The following BAZ2B variants were observed in gnomAD, a reference collection of about 807,000 sequenced individuals.
BAZ2B encodes bromodomain adjacent to zinc finger domain 2B.
In BAZ2B, 91 loss-of-function variants were observed where a neutral mutation model predicts 246.0. That is an observed-to-expected ratio of 0.37 (90% CI 0.31 to 0.44). The LOEUF (loss-of-function observed/expected upper bound fraction) is 0.44, where lower values mean the gene tolerates loss of function less well. Ranked by LOEUF, BAZ2B falls within the 20% of genes least tolerant of loss-of-function variation. The pLI is 1.00. For synonymous variants in BAZ2B, 855 were observed against 860.0 expected (o/e 0.99, Z 0.10); for missense variants, 2,332 against 2,533.7 (o/e 0.92, Z 1.71).
chr2:159,606,385 G>A (rs573623416), intron 1 of BAZ2B, among the ~76,000 whole-genome samples: 47 of 152,244 alleles, frequency 3.1e-4, no homozygotes, highest in Non-Finnish European at 3.8e-4. Flanking sequence ...CAGAAACGAA[G>A]AAAAGGTCAT....
the BAZ2B span, among the ~76,000 whole-genome samples, chr2:159,701,576 T>G: frequency 6.7e-6 from 1 of 149,992 alleles, no homozygotes; most frequent in East Asian, 1.9e-4. Context: ...TATTTTTTAA[T>G]AGTTGTATTT....
chr2:159,578,520 A>G (rs1469166391), intron 1 of BAZ2B, among the ~76,000 whole-genome samples: 3 of 152,200 alleles, frequency 2.0e-5, no homozygotes, highest in Non-Finnish European at 4.4e-5. Context: ...GATCAACGAG[A>G]CAAAAAGTTA....
intron 20 of BAZ2B, chr2:159,392,138 T>C (rs2063409554): frequency 6.6e-6 from 1 of 152,156 alleles, no homozygotes; most frequent in Admixed American, 6.5e-5. Flanking sequence ...GAAGACAGCA[T>C]AGCCCCTTTG....
intron 2 of BAZ2B, among the ~76,000 whole-genome samples, chr2:159,493,483 A>T (rs1469316980): frequency 6.6e-6 from 1 of 152,190 alleles, no homozygotes; most frequent in African/African-American, 2.4e-5. Context: ...ATACTACCTT[A>T]TTAAAGTTTT....
intron 4 of BAZ2B, among the ~76,000 whole-genome samples, chr2:159,449,733 G>A (rs1226146587): frequency 6.6e-6 from 1 of 152,150 alleles, no homozygotes; most frequent in African/African-American, 2.4e-5. Flanking sequence ...CTATACAAAA[G>A]CATTGATCAT....
At chr2:159,325,114 ATT>A (rs370274501) in intron 35 of BAZ2B, among the ~76,000 whole-genome samples, 160 bp from the exon 36 acceptor site, 1 of 7,734 alleles carries the variant, frequency 1.3e-4, no homozygotes, top group Non-Finnish European at 2.3e-4. Flanking sequence ...ATATATATAT[ATT>A]TTATATATAT....
intron 27 of BAZ2B, among the ~76,000 whole-genome samples, chr2:159,353,354 T>A (rs1415686122): frequency 1.3e-5 from 2 of 152,158 alleles, no homozygotes; most frequent in Non-Finnish European, 2.9e-5. Flanking sequence ...AAACTGAACA[T>A]CAAATAACAA....
intron 1 of BAZ2B, among the ~76,000 whole-genome samples, chr2:159,565,518 C>T (rs909004374): frequency 6.6e-6 from 1 of 152,132 alleles, no homozygotes; most frequent in Admixed American, 6.5e-5. Context: ...GTGGCTCACA[C>T]CTGTAATCCC....
downstream of BAZ2B, among the ~76,000 whole-genome samples, chr2:159,317,064 T>C (rs1184143661): frequency 6.6e-6 from 1 of 152,196 alleles, no homozygotes; most frequent in East Asian, 1.9e-4. Flanking sequence ...CTTGTTGAAA[T>C]AAAATTCTTT....
chr2:159,425,254 C>G (rs2069582004), intron 13 of BAZ2B, among the ~76,000 whole-genome samples: 1 of 152,166 alleles, frequency 6.6e-6, no homozygotes, highest in South Asian at 2.1e-4. Flanking sequence ...GATCTCGGCT[C>G]ACTGCAACCT....
intron 21 of BAZ2B, 75 bp downstream of exon 21, chr2:159,389,270 T>C: frequency 7.2e-7 from 1 of 1,384,036 alleles, no homozygotes; most frequent in Non-Finnish European, 9.6e-7. Flanking sequence ...ATAGCAGCTC[T>C]GGCAAAGAAA....
At chr2:159,522,786 A>G (rs982582944) in intron 2 of BAZ2B, among the ~76,000 whole-genome samples, 1 of 152,192 alleles carries the variant, frequency 6.6e-6, no homozygotes, top group African/African-American at 2.4e-5. Context: ...TTAAAATGTC[A>G]AAATATACAT....
At chr2:159,540,392 T>C (rs989031763) in intron 2 of BAZ2B, among the ~76,000 whole-genome samples, 1 of 152,148 alleles carries the variant, frequency 6.6e-6, no homozygotes, top group African/African-American at 2.4e-5. Flanking sequence ...TACACAAAAA[T>C]AAAGATAATT....
intron 2 of BAZ2B, among the ~76,000 whole-genome samples, chr2:159,552,728 C>G (rs2088463007): frequency 6.6e-6 from 1 of 152,122 alleles, no homozygotes; most frequent in African/African-American, 2.4e-5. Flanking sequence ...TGATTTAGCA[C>G]TTTCTGGTTT....
At chr2:159,605,410 A>G (rs1693243900) in intron 1 of BAZ2B, among the ~76,000 whole-genome samples, 1 of 152,208 alleles carries the variant, frequency 6.6e-6, no homozygotes, top group Non-Finnish European at 1.5e-5. Context: ...TGCTGAGATT[A>G]TAAATATAGA....
the BAZ2B span, among the ~76,000 whole-genome samples, chr2:159,677,293 T>C: frequency 1.3e-5 from 2 of 151,948 alleles, no homozygotes; most frequent in South Asian, 4.1e-4. Flanking sequence ...TTTTCCAATA[T>C]TTTTTCTAAA....
At chr2:159,675,947 G>A in the BAZ2B span, among the ~76,000 whole-genome samples, 3 of 152,166 alleles carry the variant, frequency 2.0e-5, no homozygotes, top group Non-Finnish European at 2.9e-5. Flanking sequence ...CCAGGCTGGA[G>A]TGCAGTGGTG....
intron 20 of BAZ2B, among the ~76,000 whole-genome samples, chr2:159,390,386 G>A (rs1223742645): frequency 1.3e-5 from 2 of 151,866 alleles, no homozygotes; most frequent in African/African-American, 4.8e-5. Context: ...TATTTCCTCA[G>A]CTGCTTATAC....
intron 2 of BAZ2B, among the ~76,000 whole-genome samples, chr2:159,494,197 A>G (rs1339463792): frequency 6.6e-6 from 1 of 152,210 alleles, no homozygotes; most frequent in Non-Finnish European, 1.5e-5. Context: ...CTTTAGTCCC[A>G]GTTACAGCAA....
Sources: gnomAD v4.1 joint callset for allele counts (sites outside exome capture counted in the v4.1 genomes callset) on GRCh38, gnomAD v4.1.1 for gene constraint, MANE v1.5 for transcripts, NCBI Gene and HGNC (gene_info 2026-07-23, HGNC 2026-07-21) for gene names.